The following CMIP variants were observed in gnomAD, a reference collection of about 807,000 sequenced individuals.
CMIP encodes c-Maf inducing protein.
A neutral mutation model predicts 97.3 loss-of-function variants in CMIP; 13 were observed. The observed-to-expected ratio is 0.13, with a 90% CI of 0.09 to 0.21. The LOEUF (loss-of-function observed/expected upper bound fraction) is 0.21. CMIP is among the 10% of genes least tolerant of loss of function. The pLI is 1.00. For missense variants in CMIP, 847 were observed against 1,024.9 expected, an observed-to-expected ratio of 0.83 and a Z score of 2.37; for synonymous variants, 538 against 436.3, an observed-to-expected ratio of 1.23 and a Z score of -2.91.
At chr16:81,477,295 C>T (rs1036422239) in intron 1 of CMIP, among the ~76,000 whole-genome samples, 5 of 152,078 alleles carry the variant, frequency 3.3e-5, no homozygotes, top group Non-Finnish European at 7.3e-5. Context: ...GCGGGGATTA[C>T]AAGCTTACAC....
At chr16:81,561,945 G>A (rs2090891626) in intron 1 of CMIP, among the ~76,000 whole-genome samples, 1 of 152,134 alleles carries the variant, frequency 6.6e-6, no homozygotes, top group African/African-American at 2.4e-5. Context: ...ATACCTGCTG[G>A]GGGCTGTTGT....
At chr16:81,656,846 C>G (rs889828890) in intron 4 of CMIP, among the ~76,000 whole-genome samples, 2 of 151,918 alleles carry the variant, frequency 1.3e-5, no homozygotes, top group African/African-American at 4.8e-5. Flanking sequence ...GATCTTGAAC[C>G]CCTGGCCTCA....
intron 1 of CMIP, among the ~76,000 whole-genome samples, chr16:81,604,221 C>T (rs918082873): frequency 6.6e-6 from 1 of 150,890 alleles, no homozygotes; most frequent in Non-Finnish European, 1.5e-5. Context: ...TGGTGAAACC[C>T]CATCTCTACT....
chr16:81,464,148 C>T (rs910234634), intron 1 of CMIP: 1 of 152,386 alleles, frequency 6.6e-6, no homozygotes, highest in Non-Finnish European at 1.5e-5. Context: ...GGGGTAGAGA[C>T]AGTAGCTTTG....
chr16:81,692,339 C>G (rs537496236), intron 11 of CMIP, among the ~76,000 whole-genome samples: 1 of 152,338 alleles, frequency 6.6e-6, no homozygotes, highest in South Asian at 2.1e-4. Context: ...TGGCCAGAAA[C>G]AGACCCTCTG....
At chr16:81,682,567 C>CAAAA (rs113037541) in intron 10 of CMIP, among the ~76,000 whole-genome samples, 1 of 135,078 alleles carries the variant, frequency 7.4e-6, no homozygotes, top group Non-Finnish European at 1.6e-5. Flanking sequence ...CTCCCATCTC[C>CAAAA]AAAAAAAAAA....
intron 1 of CMIP, among the ~76,000 whole-genome samples, chr16:81,467,567 T>G (rs112681923): frequency 2.0e-5 from 3 of 151,986 alleles, no homozygotes; most frequent in Non-Finnish European, 4.4e-5. Context: ...CTCCTTTATT[T>G]TTTTCTTTTT....
At chr16:81,664,033 G>C (rs1044581861) in intron 6 of CMIP, among the ~76,000 whole-genome samples, 1 of 152,166 alleles carries the variant, frequency 6.6e-6, no homozygotes, top group Non-Finnish European at 1.5e-5. Flanking sequence ...GAGGCTGTGC[G>C]TGCCGGGGGC....
At chr16:81,474,568 G>C (rs9935375) in intron 1 of CMIP, among the ~76,000 whole-genome samples, 1,962 of 152,284 alleles carry the variant, frequency 0.013, 38 homozygotes, top group African/African-American at 0.044. Context: ...ACTGAGTCAG[G>C]TCAGAGGAGC....
At chr16:81,493,459 G>A (rs1278864938) in intron 1 of CMIP, among the ~76,000 whole-genome samples, 1 of 152,198 alleles carries the variant, frequency 6.6e-6, no homozygotes, top group Admixed American at 6.5e-5. Context: ...ATTAAACGAA[G>A]TACGAAATAT....
intron 1 of CMIP, among the ~76,000 whole-genome samples, chr16:81,589,373 A>C (rs2091431657): frequency 6.6e-6 from 1 of 152,232 alleles, no homozygotes; most frequent in African/African-American, 2.4e-5. Context: ...ATGGGATTAC[A>C]GGCATGAGCC....
At chr16:81,668,949 ACCTTCCACACCCACCTCACACT>A (rs1353695278) in intron 7 of CMIP, among the ~76,000 whole-genome samples, 77 of 114,338 alleles carry the variant, frequency 6.7e-4, no homozygotes, top group African/African-American at 2.5e-3. Context: ...CCCACCTCAC[ACCTTCCACACCCACCTCACACT>A]CCTTCCACAC....
intron 1 of CMIP, chr16:81,495,587 C>T (rs1597475167): frequency 8.9e-6 from 12 of 1,352,672 alleles, no homozygotes; most frequent in Non-Finnish European, 1.0e-5. Flanking sequence ...GTGAAATTCA[C>T]AGACCCACTT....
intron 1 of CMIP, among the ~76,000 whole-genome samples, chr16:81,484,597 G>A (rs60143411): frequency 0.059 from 8,935 of 152,008 alleles, 321 homozygotes; most frequent in South Asian, 0.11. Context: ...TTGTAGTGGG[G>A]TCATTGGGTA....
intron 1 of CMIP, among the ~76,000 whole-genome samples, chr16:81,458,996 GTCACCA>G (rs1181080857): frequency 1.3e-5 from 2 of 151,406 alleles, no homozygotes; most frequent in South Asian, 2.1e-4. Flanking sequence ...CACCATCACT[GTCACCA>G]TCACCGTCAC....
chr16:81,673,828 C>A (rs1458253542), intron 9 of CMIP, among the ~76,000 whole-genome samples: 1 of 152,178 alleles, frequency 6.6e-6, no homozygotes, highest in African/African-American at 2.4e-5. Flanking sequence ...CTGCAGCCAC[C>A]CAGTTGTTCA....
chr16:81,638,701 T>G (rs1384193069), intron 3 of CMIP, among the ~76,000 whole-genome samples: 4 of 152,016 alleles, frequency 2.6e-5, no homozygotes, highest in South Asian at 4.2e-4. Flanking sequence ...GTTCAAAATC[T>G]TAACTTAAAA....
At chr16:81,636,051 A>G (rs932954337) in intron 3 of CMIP, among the ~76,000 whole-genome samples, 1 of 150,500 alleles carries the variant, frequency 6.6e-6, no homozygotes, top group Non-Finnish European at 1.5e-5. Context: ...ACTTAGGTGC[A>G]GTTTTAAATT....
intron 1 of CMIP, among the ~76,000 whole-genome samples, chr16:81,498,990 T>G (rs1200945519): frequency 6.6e-6 from 1 of 152,214 alleles, no homozygotes; most frequent in Non-Finnish European, 1.5e-5. Flanking sequence ...CTTTACAAAT[T>G]CAAATGTATT....
Sources: allele counts gnomAD v4.1 joint callset (sites outside exome capture counted in the v4.1 genomes callset), GRCh38; gene constraint gnomAD v4.1.1; transcripts MANE v1.5; gene names NCBI Gene and HGNC (gene_info 2026-07-23, HGNC 2026-07-21).